The following ROBO1 variants were observed in gnomAD, a reference collection of about 807,000 sequenced individuals.
ROBO1 encodes the protein roundabout homolog 1.
In ROBO1, 149 loss-of-function variants were observed where a neutral mutation model predicts 195.9. The observed-to-expected ratio is 0.76, with a 90% confidence interval of 0.67 to 0.87. The LOEUF (loss-of-function observed/expected upper bound fraction) is 0.87. Among genes scored for constraint, ROBO1 ranks in the 40% least tolerant of loss-of-function variants. The pLI is 0.00. For missense variants in ROBO1, 1,933 were observed against 2,068.3 expected (o/e 0.93, Z 1.27); for synonymous variants, 816 against 733.2 (o/e 1.11, Z -1.82).
At chr3:78,611,403 A>T in intron 28 of ROBO1, among the ~76,000 whole-genome samples, 1 of 152,190 alleles carries the variant, frequency 6.6e-6, no homozygotes, top group East Asian at 1.9e-4. Flanking sequence ...CTAGAAATGC[A>T]CTTATTCCTG....
chr3:79,409,075 T>C (rs538512168), intron 2 of ROBO1, among the ~76,000 whole-genome samples: 1 of 152,178 alleles, frequency 6.6e-6, no homozygotes, highest in South Asian at 2.1e-4. Context: ...TATAAATAGA[T>C]GCAAAAAGTT....
At chr3:79,263,139 G>T (rs1249776844) in intron 2 of ROBO1, among the ~76,000 whole-genome samples, 2 of 151,982 alleles carry the variant, frequency 1.3e-5, no homozygotes, top group East Asian at 1.9e-4. Context: ...TTTTCCTGCA[G>T]CTATGAAATC....
intron 2 of ROBO1, among the ~76,000 whole-genome samples, chr3:79,234,004 T>C (rs1300720593): frequency 6.6e-6 from 1 of 152,122 alleles, no homozygotes; most frequent in Non-Finnish European, 1.5e-5. Flanking sequence ...GAAGTATAAG[T>C]TCTTGTCTTT....
intron 3 of ROBO1, among the ~76,000 whole-genome samples, chr3:79,017,110 AAAG>A (rs1399803481): frequency 3.0e-4 from 46 of 152,312 alleles, no homozygotes; most frequent in African/African-American, 1.0e-3. Context: ...TGTTTTCTTT[AAAG>A]AAGTAACAAT....
intron 3 of ROBO1, among the ~76,000 whole-genome samples, chr3:79,050,883 C>T (rs999641823): frequency 4.6e-5 from 7 of 152,076 alleles, no homozygotes; most frequent in Admixed American, 3.9e-4. Flanking sequence ...CACAACATAC[C>T]AGAATCTCAG....
At chr3:78,786,576 C>G (rs879911365) in intron 4 of ROBO1, among the ~76,000 whole-genome samples, 2 of 152,048 alleles carry the variant, frequency 1.3e-5, no homozygotes, top group Admixed American at 6.6e-5. Context: ...GGGAGGGACC[C>G]GGTAGGAGGT....
At chr3:79,758,753 G>A (rs1034208652) in intron 1 of ROBO1, among the ~76,000 whole-genome samples, 1 of 152,178 alleles carries the variant, frequency 6.6e-6, no homozygotes, top group African/African-American at 2.4e-5. Flanking sequence ...ATACTTAGGA[G>A]ACAGGTGGGG....
chr3:78,768,486 T>C (rs2108408629), intron 4 of ROBO1, among the ~76,000 whole-genome samples: 1 of 152,224 alleles, frequency 6.6e-6, no homozygotes, highest in East Asian at 1.9e-4. Flanking sequence ...AATACATTCA[T>C]GACAATTTTC....
chr3:79,464,979 G>A (rs1937876886), intron 2 of ROBO1, among the ~76,000 whole-genome samples: 1 of 152,168 alleles, frequency 6.6e-6, no homozygotes, highest in African/African-American at 2.4e-5. Flanking sequence ...AAAGAGGAGA[G>A]AGGGCCCTAA....
At chr3:78,984,717 G>A (rs1431852208) in intron 3 of ROBO1, among the ~76,000 whole-genome samples, 1 of 152,150 alleles carries the variant, frequency 6.6e-6, no homozygotes, top group African/African-American at 2.4e-5. Context: ...TAAGAGATGA[G>A]ACTATGTAGG....
chr3:79,492,931 A>T (rs1354144901), intron 2 of ROBO1, among the ~76,000 whole-genome samples: 1 of 152,152 alleles, frequency 6.6e-6, no homozygotes, highest in South Asian at 2.1e-4. Flanking sequence ...CAGTCATATC[A>T]AATCAGAAAT....
chr3:78,656,347 T>C (rs1707014050), intron 18 of ROBO1, among the ~76,000 whole-genome samples: 4 of 1,694 alleles, frequency 2.4e-3, no homozygotes, highest in Admixed American at 0.014. Context: ...CTTATTTGAT[T>C]TTTTTTTTTT....
intron 3 of ROBO1, among the ~76,000 whole-genome samples, chr3:79,085,210 G>A (rs1279357260): frequency 6.6e-6 from 1 of 152,118 alleles, no homozygotes; most frequent in African/African-American, 2.4e-5. Flanking sequence ...TTTGAACAAA[G>A]TGAGCCCTTA....
intron 2 of ROBO1, among the ~76,000 whole-genome samples, chr3:79,420,645 A>G (rs1255563850): frequency 3.3e-5 from 5 of 152,106 alleles, no homozygotes; most frequent in South Asian, 4.1e-4. Context: ...TAGCTTTATT[A>G]TTTGTTTTGA....
intron 2 of ROBO1, among the ~76,000 whole-genome samples, chr3:79,343,223 C>T (rs2034980340): frequency 6.6e-6 from 1 of 151,996 alleles, no homozygotes; most frequent in African/African-American, 2.4e-5. Flanking sequence ...TTTATTTATC[C>T]ATTGAAAAAT....
At chr3:79,295,405 C>A (rs185383713) in intron 2 of ROBO1, among the ~76,000 whole-genome samples, 4 of 152,108 alleles carry the variant, frequency 2.6e-5, no homozygotes, top group Non-Finnish European at 2.9e-5. Context: ...AAAATGATAA[C>A]ACATGGACAC....
intron 2 of ROBO1, among the ~76,000 whole-genome samples, chr3:79,289,960 A>G (rs902254471): frequency 4.6e-5 from 7 of 152,006 alleles, no homozygotes; most frequent in African/African-American, 1.7e-4. Flanking sequence ...ACATTTACAG[A>G]AGAACAAAAA....
At chr3:79,445,433 A>G (rs1168202647) in intron 2 of ROBO1, among the ~76,000 whole-genome samples, 2 of 151,396 alleles carry the variant, frequency 1.3e-5, no homozygotes, top group Non-Finnish European at 2.9e-5. Flanking sequence ...TAATGTTCAC[A>G]GATTTTATTA....
chr3:79,657,617 C>T (rs1235415657), intron 1 of ROBO1, among the ~76,000 whole-genome samples: 1 of 151,936 alleles, frequency 6.6e-6, no homozygotes, highest in Non-Finnish European at 1.5e-5. Context: ...AGGAGAATGG[C>T]ACCATTTGTG....
Sources: gnomAD v4.1 joint callset for allele counts (sites outside exome capture counted in the v4.1 genomes callset) on GRCh38, gnomAD v4.1.1 for gene constraint, MANE v1.5 for transcripts, NCBI Gene and HGNC (gene_info 2026-07-23, HGNC 2026-07-21) for gene names.